LMAN2L: variants seen among roughly 807,000 people sequenced by gnomAD.
LMAN2L encodes the protein lectin, mannose binding 2 like.
LMAN2L carries 30 observed loss-of-function variants against 44.3 expected under a neutral mutation model. That is an observed-to-expected ratio of 0.68 (90% CI 0.51 to 0.92). The LOEUF is 0.92. Among genes scored for constraint, LMAN2L ranks in the 40% least tolerant of loss-of-function variants. The pLI, the probability that LMAN2L is intolerant of heterozygous loss-of-function variation, is 0.00. For synonymous variants in LMAN2L, 183 were observed against 171.1 expected, an observed-to-expected ratio of 1.07 and a Z score of -0.54; for missense variants, 429 against 446.1, an observed-to-expected ratio of 0.96 and a Z score of 0.35.
chr2:96,734,120 T>A (rs543050789), intron 3 of LMAN2L, among the ~76,000 whole-genome samples: 1 of 152,238 alleles, frequency 6.6e-6, no homozygotes, highest in East Asian at 1.9e-4. Flanking sequence ...GCTCACCCAA[T>A]CGTCAGCGTT....
At chr2:96,729,460 T>C (rs1313927116) in intron 4 of LMAN2L, among the ~76,000 whole-genome samples, 2 of 151,980 alleles carry the variant, frequency 1.3e-5, no homozygotes, top group East Asian at 3.9e-4. Flanking sequence ...GCAAAGTACC[T>C]GGCACACAGC....
intron 1 of LMAN2L, among the ~76,000 whole-genome samples, chr2:96,739,000 C>A (rs886974402): frequency 3.3e-5 from 5 of 152,194 alleles, no homozygotes; most frequent in African/African-American, 1.2e-4. Flanking sequence ...CTCGGCCTCC[C>A]AAAGTGCGGA....
chr2:96,737,463 A>G (rs1417866179), intron 2 of LMAN2L, among the ~76,000 whole-genome samples: 1 of 152,132 alleles, frequency 6.6e-6, no homozygotes, highest in Non-Finnish European at 1.5e-5. Flanking sequence ...CAGCCTGGGC[A>G]ACATAGCAAG....
intron 4 of LMAN2L, among the ~76,000 whole-genome samples, chr2:96,731,808 G>A (rs187562201): frequency 6.0e-4 from 91 of 151,722 alleles, no homozygotes; most frequent in Middle Eastern, 6.8e-3. Flanking sequence ...GGAGTGCAGT[G>A]GTGTGATCTC....
chr2:96,707,382 C>T lies in LMAN2L; in HGVS notation c.921G>A (p.Pro307=), dbSNP rs746099301. ...MKLPEMTAPL[P]PLSGLALFLI... is the part of the protein sequence containing the mutation. The stretch of plus-strand genomic sequence containing the variant: ...GGAAGAGGGCCAGGCCACTCAGGGG[C>T]GGCAGTGGAGCTGTCACTGAGGAAG... Residue 307 remains proline, a synonymous_variant, in exon 8 of 8, where the codon CCG becomes CCA. Coordinates refer to ENST00000264963, the MANE Select transcript of LMAN2L (RefSeq NM_030805.4). 66 of 1,612,012 alleles carry T rather than the reference C, an allele frequency of 4.1e-5. No individual in the cohort carries two copies. Among genetic ancestry groups the T allele is most frequent in the Non-Finnish European group, 4.9e-5 (58 of 1,179,108 alleles).
intron 2 of LMAN2L, among the ~76,000 whole-genome samples, chr2:96,735,545 T>C (rs1198748286): frequency 6.6e-6 from 1 of 152,150 alleles, no homozygotes; most frequent in Non-Finnish European, 1.5e-5. Context: ...TTCATTACGA[T>C]TTCAGAGAAA....
intron 4 of LMAN2L, among the ~76,000 whole-genome samples, chr2:96,724,294 T>C (rs917395141): frequency 6.6e-6 from 1 of 152,148 alleles, no homozygotes; most frequent in Non-Finnish European, 1.5e-5. Context: ...CAAGATTATT[T>C]TGGTTATTCT....
In LMAN2L at chr2:96,707,383, G is replaced by C; in HGVS notation, c.920C>G (p.Pro307Arg). Residue 307 changes from proline to arginine, a missense_variant, in exon 8 of 8, where the codon CCG (proline) becomes CGG (arginine). Physicochemically the swap from Pro to Arg is moderately radical, Grantham distance 103. Coordinates refer to ENST00000264963, the MANE Select transcript of LMAN2L (RefSeq NM_030805.4). ...GAAGAGGGCCAGGCCACTCAGGGGC[G>C]GCAGTGGAGCTGTCACTGAGGAAGC... is the stretch of plus-strand genomic sequence containing the variant. ...MKLPEMTAPL[P>R]PLSGLALFLI... 1 of 1,612,176 alleles carries C rather than the reference G, an allele frequency of 6.2e-7. No homozygotes were observed. Among genetic ancestry groups the C allele is most frequent in the Non-Finnish European group, 8.5e-7 (1 of 1,179,138 alleles).
intron 4 of LMAN2L, among the ~76,000 whole-genome samples, chr2:96,724,110 A>G (rs1160454227): frequency 1.3e-5 from 2 of 152,046 alleles, no homozygotes; most frequent in Non-Finnish European, 1.5e-5. Context: ...AAAAAAAAAA[A>G]GAAAGAAAAA....
intron 4 of LMAN2L, among the ~76,000 whole-genome samples, chr2:96,718,643 T>C (rs1027717721): frequency 6.6e-6 from 1 of 152,190 alleles, no homozygotes; most frequent in African/African-American, 2.4e-5. Context: ...TTCAAAGCTG[T>C]ATAAGCTGCT....
chr2:96,723,352 C>A (rs943798410), intron 4 of LMAN2L, among the ~76,000 whole-genome samples: 2 of 152,148 alleles, frequency 1.3e-5, no homozygotes, highest in African/African-American at 2.4e-5. Context: ...TAGAGAAATA[C>A]CTATTAAGAT....
intron 4 of LMAN2L, among the ~76,000 whole-genome samples, chr2:96,723,295 G>A (rs1330454628): frequency 6.6e-6 from 1 of 152,140 alleles, no homozygotes; most frequent in Admixed American, 6.6e-5. Context: ...GATGGCTGAT[G>A]ATGCTCAGCC....
intron 4 of LMAN2L, among the ~76,000 whole-genome samples, chr2:96,713,648 C>T (rs1346118536): frequency 6.6e-6 from 1 of 152,084 alleles, no homozygotes; most frequent in Non-Finnish European, 1.5e-5. Context: ...CAGCTCCTGC[C>T]CAGAAGACCA....
intron 6 of LMAN2L, among the ~76,000 whole-genome samples, chr2:96,710,649 C>T (rs917243818): frequency 6.6e-6 from 1 of 150,690 alleles, no homozygotes; most frequent in Non-Finnish European, 1.5e-5. Context: ...GGCGACAGAG[C>T]GAGACTCCAT....
At chr2:96,733,772 G>C (rs1011454249) in intron 3 of LMAN2L, among the ~76,000 whole-genome samples, 171 bp from the exon 4 acceptor site, 1 of 152,228 alleles carries the variant, frequency 6.6e-6, no homozygotes, top group Admixed American at 6.5e-5. Flanking sequence ...CCTGTAACAA[G>C]TGCCCAGTAA....
intron 4 of LMAN2L, among the ~76,000 whole-genome samples, chr2:96,718,288 AAATT>A (rs1315056790): frequency 6.6e-6 from 1 of 152,224 alleles, no homozygotes; most frequent in African/African-American, 2.4e-5. Flanking sequence ...CATAAGCACA[AAATT>A]ATTATCAAAT....
intron 4 of LMAN2L, 57 bp from the exon 5 acceptor site, chr2:96,712,082 A>T: frequency 6.5e-7 from 1 of 1,544,156 alleles, no homozygotes; most frequent in Non-Finnish European, 8.9e-7. Context: ...GAACGCCTGT[A>T]CAAACAGCAA....
chr2:96,709,864 T>TTTAGTG (rs2077874464), intron 6 of LMAN2L, among the ~76,000 whole-genome samples: 1 of 152,198 alleles, frequency 6.6e-6, no homozygotes, highest in African/African-American at 2.4e-5. Context: ...ACTAAAGACC[T>TTTAGTG]AGGGCAAAAA....
chr2:96,712,494 G>A (rs938175817), intron 4 of LMAN2L, among the ~76,000 whole-genome samples: 1 of 152,188 alleles, frequency 6.6e-6, no homozygotes, highest in African/African-American at 2.4e-5. Flanking sequence ...CACACAGCGG[G>A]TATTCTGAAA....
Sources: gnomAD v4.1 joint callset for allele counts (sites outside exome capture counted in the v4.1 genomes callset) on GRCh38, gnomAD v4.1.1 for gene constraint, MANE v1.5 for transcripts, NCBI Gene and HGNC (gene_info 2026-07-23, HGNC 2026-07-21) for gene names.